The following MAGEC3 variants were observed in gnomAD, a reference collection of about 807,000 sequenced individuals.
MAGEC3 encodes melanoma-associated antigen C3.
MAGEC3 carries 34 observed loss-of-function variants against 35.3 expected under a neutral mutation model. That is an observed-to-expected ratio of 0.96 (90% CI 0.73 to 1.28). The LOEUF (loss-of-function observed/expected upper bound fraction) is 1.28, where lower values mean the gene tolerates loss of function less well. Among genes scored for constraint, MAGEC3 ranks in the 50% most tolerant of loss-of-function variants. The pLI is 0.00. For missense variants in MAGEC3, 561 were observed against 483.6 expected (o/e 1.16, Z -1.50); for synonymous variants, 202 against 185.6 (o/e 1.09, Z -0.72).
At chrX:141,862,972 T>G (rs914103524) in intron 1 of MAGEC3, among the ~76,000 whole-genome samples, 1 of 112,055 alleles carries the variant, frequency 8.9e-6, no homozygotes, top group Non-Finnish European at 1.9e-5. Flanking sequence ...ATAGAAATGA[T>G]AAAAACTTGG....
At chrX:141,847,058 A>G (rs2017721404) in intron 1 of MAGEC3, among the ~76,000 whole-genome samples, 1 of 111,442 alleles carries the variant, frequency 9.0e-6, no homozygotes, top group Middle Eastern at 4.7e-3. Context: ...ATGAATGAGA[A>G]TATCTGAATA....
intron 4 of MAGEC3, among the ~76,000 whole-genome samples, chrX:141,890,669 G>A (rs1322284773): frequency 8.9e-6 from 1 of 112,228 alleles, no homozygotes; most frequent in Non-Finnish European, 1.9e-5. Context: ...ATATTTCAAG[G>A]TAATGTTGGC....
intron 2 of MAGEC3, among the ~76,000 whole-genome samples, chrX:141,869,230 T>G (rs1414588952): frequency 1.8e-5 from 2 of 111,436 alleles, no homozygotes; most frequent in African/African-American, 6.5e-5. Flanking sequence ...AGTTAAAGCC[T>G]TGGTAAAATA....
chrX:141,881,330 C>T lies in MAGEC3; in HGVS notation c.516-73C>T, dbSNP rs755550747. The T allele has an allele frequency of 1.5e-5, 17 of 1,124,253 alleles. No individual in the cohort carries two copies. The South Asian group carries it at 2.6e-4, about 17-fold the overall frequency. 92.7% of individuals were successfully genotyped at this position (1,124,253 alleles called of 1,213,427 possible). A position where few individuals can be genotyped will look rare whatever the true frequency, so the allele number is the denominator to read the frequency against. Reference sequence around the variant, plus strand: ...CTCCAGGGTTCCCTGTCCTGCTCCTCCTCCACTTTATGAAGCCCATTCAAT... The same window carrying T: ...CTCCAGGGTTCCCTGTCCTGCTCCTTCTCCACTTTATGAAGCCCATTCAAT... On this transcript the variant is annotated intron_variant, in intron 3 of 7. Coordinates refer to ENST00000298296, the MANE Select transcript of MAGEC3 (RefSeq NM_138702.1).
Position 141,853,778 on chromosome X carries a change from C to G in MAGEC3, c.124-11693C>G, listed in dbSNP as rs147557534. Among the ~76,000 whole-genome samples, 759 of 111,158 alleles carry G rather than the reference C, an allele frequency of 6.8e-3. 6 individuals carry two copies. Among genetic ancestry groups the G allele is most frequent in the African/African-American group, 0.024 (735 of 30,607 alleles). On this transcript the variant is annotated intron_variant, in intron 1 of 7. Coordinates refer to ENST00000298296, the MANE Select transcript of MAGEC3 (RefSeq NM_138702.1). Reference sequence around the variant, plus strand: ...AGGTAAGAGCTGAGGAAAGGCAAAGCGATGAGGAAAAGTGGTTATGATTAA... The same window carrying G: ...AGGTAAGAGCTGAGGAAAGGCAAAGGGATGAGGAAAAGTGGTTATGATTAA...
At chrX:141,866,765 T>C (rs768012274) in intron 2 of MAGEC3, among the ~76,000 whole-genome samples, 5 of 112,611 alleles carry the variant, frequency 4.4e-5, no homozygotes, top group Admixed American at 2.8e-4. Context: ...ATCTATATGC[T>C]GCAATGAAAA....
At chrX:141,859,864 G>A (rs1474666059) in intron 1 of MAGEC3, among the ~76,000 whole-genome samples, 2 of 111,721 alleles carry the variant, frequency 1.8e-5, no homozygotes, top group Non-Finnish European at 3.8e-5. Flanking sequence ...GAGAAGGAAC[G>A]GCTTGGCCTA....
rs768689503 is a variant in MAGEC3 at position 141,896,492 on chromosome X, TAAGAG to T, written c.1124-385_1124-381del. The T allele has an allele frequency of 3.1e-5, 37 of 1,181,049 alleles. No homozygotes were observed. The African/African-American group carries it at 3.5e-4, about 11-fold the overall frequency. ...CCTGTGAGGCCCTAGAGCACCACCTTAAGAGAAGAAGAGCTGTAAGCCAGCCTTTG... is the reference window on the plus strand; with the variant it reads ...CCTGTGAGGCCCTAGAGCACCACCTTAAGAAGAGCTGTAAGCCAGCCTTTG... On this transcript the variant is annotated intron_variant, in intron 6 of 7. Transcript: ENST00000298296.
At chrX:141,857,373 A>G (rs1361646734) in intron 1 of MAGEC3, among the ~76,000 whole-genome samples, 2 of 111,026 alleles carry the variant, frequency 1.8e-5, no homozygotes, top group African/African-American at 6.5e-5. Context: ...AGCTTCCAGG[A>G]TAACTGGGTC....
intron 3 of MAGEC3, chrX:141,880,962 T>C (rs2017958976): frequency 5.0e-6 from 3 of 597,152 alleles, no homozygotes; most frequent in Non-Finnish European, 8.4e-6. Context: ...TACCTCCTGC[T>C]CCTAAGGAAG....
chrX:141,840,436 A>G (rs1263044799), intron 1 of MAGEC3, among the ~76,000 whole-genome samples: 1 of 112,142 alleles, frequency 8.9e-6, no homozygotes, highest in African/African-American at 3.2e-5. Flanking sequence ...AAGATTTTGC[A>G]TTTTTCAAAA....
intron 2 of MAGEC3, 95 bp from the exon 3 acceptor site, chrX:141,879,079 CG>C (rs1569474446): frequency 4.2e-5 from 43 of 1,015,788 alleles, no homozygotes; most frequent in Non-Finnish European, 7.8e-6. Context: ...GAAGGCCAGG[CG>C]GTTTCCAGGA....
chrX:141,856,208 A>G (rs2017779622), intron 1 of MAGEC3, among the ~76,000 whole-genome samples: 1 of 111,690 alleles, frequency 9.0e-6, no homozygotes, highest in Non-Finnish European at 1.9e-5. Flanking sequence ...CCGTGATGCT[A>G]GACAATGGAG....
rs751039761 is a variant in MAGEC3, at chrX:141,879,355, A to C, written c.439A>C (p.Arg147=). ...LWKDSDLPTW[R]RGTGYTLSLP... is the part of the protein sequence containing the mutation. ...GAAGGACAGTGACCTTCCAACATGG[A>C]GGAGAGGCACAGGCTACACCCTTTC... Residue 147 remains arginine, a synonymous_variant, in exon 3 of 8, where the codon AGG becomes CGG. Transcript: ENST00000298296. 1.7e-5 allele frequency: 20 copies of C among 1,196,623 alleles called. No individual in the cohort carries two copies. The African/African-American group carries it at 3.2e-4, about 19-fold the overall frequency.
At position 141,896,941 on chromosome X, in the gene MAGEC3, CCTCCCCAGGGTCCTCCCAAGATCT is replaced by C; in HGVS notation, c.1200_1223del (p.Lys401_Pro408del). 11 of 1,185,881 alleles carry C rather than the reference CCTCCCCAGGGTCCTCCCAAGATCT, an allele frequency of 9.3e-6. No homozygotes were observed. Among genetic ancestry groups the C allele is most frequent in the African/African-American group, 1.8e-5 (1 of 56,967 alleles). On this transcript the variant is annotated inframe_deletion, in exon 7 of 8. Transcript: ENST00000298296. The stretch of plus-strand genomic sequence containing the variant: ...TCTTCCCCAGAGTCCTCCTGAGATT[CCTCCCCAGGGTCCTCCCAAGATCT>C]CTCCCCAGGGTCCTCCGCAGAGTCC...
At position 141,897,201 on chromosome X, in the gene MAGEC3, G is replaced by C; in HGVS notation, c.1443G>C (p.Glu481Asp). Reference sequence around the variant, plus strand: ...CAAAAGAGCCTGTCACAAAGGCAGAGATGCTGACGACTGTCATCAAGAAGT... The same window carrying C: ...CAAAAGAGCCTGTCACAAAGGCAGACATGCTGACGACTGTCATCAAGAAGT... Reference protein sequence around the residue: ...YQTKEPVTKAEMLTTVIKKYK... With the variant: ...YQTKEPVTKADMLTTVIKKYK... The change falls in exon 7 of 8, where the codon GAG (glutamate) becomes GAC (aspartate). Residue 481 changes from glutamate (E) to aspartate (D), a missense_variant. Physicochemically the swap from Glu to Asp is conservative, Grantham distance 45. Transcript: ENST00000298296. 1.7e-6 allele frequency: 2 copies of C among 1,212,042 alleles called. No individual in the cohort carries two copies. The highest frequency in any genetic ancestry group is 2.2e-6 in the Non-Finnish European group (2 of 895,499).
chrX:141,872,274 C>T (rs893521980), intron 2 of MAGEC3, among the ~76,000 whole-genome samples: 7 of 110,916 alleles, frequency 6.3e-5, no homozygotes, highest in African/African-American at 2.0e-4. Flanking sequence ...GAAAATTAAA[C>T]GCTTTGGCTT....
chrX:141,855,539 A>G (rs771798408), intron 1 of MAGEC3, among the ~76,000 whole-genome samples: 3 of 111,466 alleles, frequency 2.7e-5, no homozygotes, highest in East Asian at 5.7e-4. Flanking sequence ...GAAAGAATAA[A>G]TGAAAAGCAT....
chrX:141,849,050 A>T (rs2017734582), intron 1 of MAGEC3, among the ~76,000 whole-genome samples: 1 of 111,407 alleles, frequency 9.0e-6, no homozygotes, highest in Non-Finnish European at 1.9e-5. Flanking sequence ...AACCAAAAAA[A>T]CATGGTAGTG....
Sources: gnomAD v4.1 joint callset for allele counts (sites outside exome capture counted in the v4.1 genomes callset) on GRCh38, gnomAD v4.1.1 for gene constraint, MANE v1.5 for transcripts, NCBI Gene and HGNC (gene_info 2026-07-23, HGNC 2026-07-21) for gene names.